AZIN2: variants seen among roughly 807,000 people sequenced by gnomAD.
AZIN2 encodes the protein ODC antizyme inhibitor-2.
In AZIN2, 28 loss-of-function variants were observed where a neutral mutation model predicts 47.8. The ratio of observed to expected loss-of-function variants is 0.59; its 90% confidence interval spans 0.43 to 0.80. The LOEUF is 0.80. Among genes scored for constraint, AZIN2 ranks in the 30% least tolerant of loss-of-function variants. The pLI, the probability that AZIN2 is intolerant of heterozygous loss-of-function variation, is 0.00. For synonymous variants in AZIN2, 221 were observed against 239.4 expected, an observed-to-expected ratio of 0.92 and a Z score of 0.71; for missense variants, 535 against 582.5, an observed-to-expected ratio of 0.92 and a Z score of 0.84.
At chr1:33,094,799 C>CATAGGACCCACGCACG in intron 8 of AZIN2, 86 bp downstream of exon 8, 1 of 1,455,286 alleles carries the variant, frequency 6.9e-7, no homozygotes, top group Non-Finnish European at 9.5e-7. Flanking sequence ...GACCACCGTG[C>CATAGGACCCACGCACG]GTGGGTCCTA....
intron 10 of AZIN2, among the ~76,000 whole-genome samples, chr1:33,099,516 C>T (rs554857815): frequency 5.1e-4 from 78 of 152,234 alleles, no homozygotes; most frequent in Admixed American, 3.7e-3. Flanking sequence ...GTTGAGTCCC[C>T]GTTACTCTGC....
the AZIN2 span, among the ~76,000 whole-genome samples, chr1:33,144,889 G>T: frequency 6.6e-6 from 1 of 152,214 alleles, no homozygotes; most frequent in Non-Finnish European, 1.5e-5. Context: ...GACTCTGGGA[G>T]GCAGCTGGGG....
downstream of AZIN2, among the ~76,000 whole-genome samples, chr1:33,124,917 T>C (rs1207580247): frequency 1.3e-5 from 2 of 152,204 alleles, no homozygotes. The surrounding 1 kb of genome is among the most constrained non-coding windows in gnomAD (Gnocchi z 4.6). Flanking sequence ...ATCCAGTCTA[T>C]CATTGATGGA....
At chr1:33,118,562 G>A (rs536263714) in intron 11 of AZIN2, 17 of 161,796 alleles carry the variant, frequency 1.1e-4, no homozygotes, top group South Asian at 5.5e-4. Flanking sequence ...CGAGTGACAC[G>A]CTTTGACAGC....
chr1:33,152,356 C>T, the AZIN2 span, among the ~76,000 whole-genome samples: 2 of 152,046 alleles, frequency 1.3e-5, no homozygotes, highest in Middle Eastern at 3.2e-3. Context: ...ACCTGAGGTC[C>T]GGAGTTCGAG....
intron 4 of AZIN2, chr1:33,082,729 T>C: frequency 5.4e-6 from 1 of 185,406 alleles, no homozygotes; most frequent in Non-Finnish European, 1.1e-5. Context: ...GGCCCCCTGA[T>C]CTCCCGGTCT....
chr1:33,144,562 C>T, the AZIN2 span, among the ~76,000 whole-genome samples: 2,516 of 152,304 alleles, frequency 0.017, 61 homozygotes, highest in African/African-American at 0.057. Context: ...TCTAAAGGGC[C>T]GCTGCTGGGC....
At chr1:33,138,580 C>G in the AZIN2 span, among the ~76,000 whole-genome samples, 2 of 149,568 alleles carry the variant, frequency 1.3e-5, no homozygotes, top group South Asian at 4.2e-4. Flanking sequence ...CCACTGCATT[C>G]CAGTCTGGGT....
At chr1:33,159,655 C>G in the AZIN2 span, 1 of 1,582,988 alleles carries the variant, frequency 6.3e-7, no homozygotes, top group Non-Finnish European at 8.6e-7. This position sits in a 1 kb window ranked among gnomAD's most constrained non-coding sequence, Gnocchi z 4.2. Context: ...AGGGGATGGT[C>G]AGCCGGGGAG....
chr1:33,162,618 G>A, the AZIN2 span, among the ~76,000 whole-genome samples: 2 of 152,208 alleles, frequency 1.3e-5, no homozygotes, highest in Non-Finnish European at 2.9e-5. Context: ...TTGCTCCGTA[G>A]AGCTGGGTGC....
At chr1:33,083,143 G>C (rs1456751754) in intron 4 of AZIN2, 2 of 152,674 alleles carry the variant, frequency 1.3e-5, no homozygotes, top group Non-Finnish European at 2.9e-5. Context: ...GAATGGACTT[G>C]TAAGTACTTA....
intron 10 of AZIN2, among the ~76,000 whole-genome samples, chr1:33,105,305 G>T (rs1000176822): frequency 2.0e-5 from 3 of 152,066 alleles, no homozygotes; most frequent in Non-Finnish European, 4.4e-5. Flanking sequence ...TTTAAATACT[G>T]ACGTGTTAGG....
At chr1:33,132,047 A>G in the AZIN2 span, among the ~76,000 whole-genome samples, 1 of 152,184 alleles carries the variant, frequency 6.6e-6, no homozygotes, top group African/African-American at 2.4e-5. Flanking sequence ...CATTAATGTG[A>G]CCGGGCTCCA....
At chr1:33,135,204 C>T in the AZIN2 span, among the ~76,000 whole-genome samples, 44 of 152,290 alleles carry the variant, frequency 2.9e-4, no homozygotes, top group East Asian at 6.6e-3. Flanking sequence ...ACAGGAGAAT[C>T]ACTTGAACCT....
chr1:33,105,840 G>A (rs897709803), intron 10 of AZIN2, among the ~76,000 whole-genome samples: 1 of 152,188 alleles, frequency 6.6e-6, no homozygotes. Flanking sequence ...CAAGTATCAT[G>A]GGAGTTTTAT....
At chr1:33,087,111 G>T (rs1288041835) in intron 5 of AZIN2, among the ~76,000 whole-genome samples, 1 of 151,886 alleles carries the variant, frequency 6.6e-6, no homozygotes, top group South Asian at 2.1e-4. Context: ...TAATCACCAG[G>T]ATGGTTTTGG....
intron 10 of AZIN2, among the ~76,000 whole-genome samples, chr1:33,098,770 CTT>C (rs936047373): frequency 6.8e-6 from 1 of 146,918 alleles, no homozygotes. Flanking sequence ...CTCTCTCTCT[CTT>C]TTTTTTTTTG....
intron 5 of AZIN2, among the ~76,000 whole-genome samples, chr1:33,087,539 C>T (rs867608104): frequency 2.7e-5 from 4 of 150,394 alleles, no homozygotes; most frequent in Admixed American, 6.6e-5. Flanking sequence ...CAGGTTCAAG[C>T]GATTCTCCTG....
chr1:33,126,017 C>T (rs1361969872), downstream of AZIN2, among the ~76,000 whole-genome samples: 1 of 152,170 alleles, frequency 6.6e-6, no homozygotes, highest in Non-Finnish European at 1.5e-5. Context: ...AACAAAAAAA[C>T]TGTAACATTT....
Sources: gnomAD v4.1 joint callset for allele counts (sites outside exome capture counted in the v4.1 genomes callset) on GRCh38, gnomAD v4.1.1 for gene constraint, Gnocchi (gnomAD v3.1) non-coding constraint, MANE v1.5 for transcripts, NCBI Gene and HGNC (gene_info 2026-07-23, HGNC 2026-07-21) for gene names.